RAPGEF6: variants seen among roughly 807,000 people sequenced by gnomAD.
The protein encoded by RAPGEF6 is PDZ domain containing guanine nucleotide exchange factor (GEF) 2.
A neutral mutation model predicts 171.4 loss-of-function variants in RAPGEF6; 56 were observed. The observed-to-expected ratio is 0.33, with a 90% CI of 0.26 to 0.41. The LOEUF is 0.41. RAPGEF6 is among the 10% of genes least tolerant of loss of function. The pLI is 1.00. For missense variants in RAPGEF6, 1,674 were observed against 1,921.4 expected, an observed-to-expected ratio of 0.87 and a Z score of 2.41; for synonymous variants, 692 against 650.1, an observed-to-expected ratio of 1.06 and a Z score of -0.98.
At chr5:131,613,931 C>T (rs540140679) in intron 1 of RAPGEF6, among the ~76,000 whole-genome samples, 6 of 152,088 alleles carry the variant, frequency 3.9e-5, no homozygotes, top group Admixed American at 2.6e-4. Flanking sequence ...GCATAGAATC[C>T]GCTTGGGCAG....
Position 131,438,348 on chromosome 5 carries a change from C to G in RAPGEF6, c.3745+1233G>C, listed in dbSNP as rs566630347. ...GGAGGACAGAATCACGGTTCAAACT[C>G]AGGTCTGACATCACTGTACATAATT... On this transcript the variant is annotated intron_variant, in intron 24 of 27. Transcript: ENST00000509018. Among the ~76,000 whole-genome samples, 76 of 152,316 alleles carry G rather than the reference C, an allele frequency of 5.0e-4. No individual in the cohort carries two copies. In the South Asian group the frequency reaches 8.3e-3, roughly 17 times the overall value.
At position 131,453,040 on chromosome 5, in the gene RAPGEF6, T is replaced by C. The variant is rs757152327; in HGVS notation, c.3200+14A>G. Reference sequence around the variant, plus strand: ...GATACCACTCTAACACTTTTACATATTTCAATGTCCTACCTCTGTCGAAAC... The same window carrying C: ...GATACCACTCTAACACTTTTACATACTTCAATGTCCTACCTCTGTCGAAAC... On this transcript the variant is annotated intron_variant, in intron 21 of 27. Coordinates refer to ENST00000509018, the MANE Select transcript of RAPGEF6 (RefSeq NM_016340.6). The C allele has an allele frequency of 1.9e-6, 3 of 1,606,096 alleles. No homozygotes were observed. The African/African-American group carries it at 4.0e-5, about 22-fold the overall frequency.
At chr5:131,439,143 C>T (rs1248319201) in intron 24 of RAPGEF6, among the ~76,000 whole-genome samples, 1 of 152,104 alleles carries the variant, frequency 6.6e-6, no homozygotes, top group Non-Finnish European at 1.5e-5. Context: ...TCTCCAACTC[C>T]TGGGCTCAAG....
rs1754159292 is a variant in RAPGEF6, at chr5:131,464,262, T to C, written c.2259A>G (p.Ile753Met). Reference sequence around the variant, plus strand: ...TTTGCTGATCCACTTTGAAAACTCTTATAACTTGATCAGGGATATCTACAT... The same window carrying C: ...TTTGCTGATCCACTTTGAAAACTCTCATAACTTGATCAGGGATATCTACAT... ...SNPSDIPDQVIRVFKVDQQSC... is the reference protein window; with the variant it reads ...SNPSDIPDQVMRVFKVDQQSC... The change falls in exon 18 of 28, where the codon ATA becomes ATG. Residue 753 changes from isoleucine (I) to methionine (M), a missense_variant. Around this residue, in one of 3 missense-constraint regions of RAPGEF6, gnomAD observed 1,116 missense variants for 1,321.5 expected, o/e 0.84. Transcript: ENST00000509018. The C allele has an allele frequency of 6.2e-7, 1 of 1,611,602 alleles. No homozygotes were observed. The highest frequency in any genetic ancestry group is 8.5e-7 in the Non-Finnish European group (1 of 1,178,020).
chr5:131,438,914 G>A (rs1173046609), intron 24 of RAPGEF6, among the ~76,000 whole-genome samples: 1 of 152,070 alleles, frequency 6.6e-6, no homozygotes, highest in East Asian at 1.9e-4. Context: ...CTTATAGTTG[G>A]TTAAAAACAG....
At chr5:131,559,082 G>T (rs942490777) in intron 5 of RAPGEF6, among the ~76,000 whole-genome samples, 1 of 151,910 alleles carries the variant, frequency 6.6e-6, no homozygotes, top group African/African-American at 2.4e-5. Context: ...TAATCCCAGC[G>T]CTTTGGGAGG....
chr5:131,471,068 C>T (rs570335153), intron 17 of RAPGEF6, among the ~76,000 whole-genome samples: 4 of 152,286 alleles, frequency 2.6e-5, no homozygotes, highest in South Asian at 4.1e-4. Context: ...TTACCCTTTC[C>T]GGTAAATAGT....
chr5:131,526,486 GTTAC>G (rs1197375716), intron 6 of RAPGEF6, among the ~76,000 whole-genome samples: 1 of 152,090 alleles, frequency 6.6e-6, no homozygotes. Flanking sequence ...GACTAAATCC[GTTAC>G]TCTTTCCTAC....
chr5:131,600,161 T>C lies in RAPGEF6; in HGVS notation c.197+3110A>G, dbSNP rs142745361. On this transcript the variant is annotated intron_variant, in intron 3 of 27. Coordinates refer to ENST00000509018, the MANE Select transcript of RAPGEF6 (RefSeq NM_016340.6). ...AATCCGATTAATGTCAGAAAGATAT[T>C]AGATTTGCTAAACTATAATTAAATC... 3.8e-3 allele frequency among the ~76,000 whole-genome samples: 572 copies of C among 152,358 alleles called. 4 individuals are homozygous for C. The highest frequency in any genetic ancestry group is 0.013 in the African/African-American group (542 of 41,588).
chr5:131,542,302 T>A (rs143619631), intron 6 of RAPGEF6, among the ~76,000 whole-genome samples: 2 of 152,286 alleles, frequency 1.3e-5, no homozygotes, highest in East Asian at 3.9e-4. Context: ...ACAACAGCAA[T>A]AGGATGCTAC....
intron 25 of RAPGEF6, among the ~76,000 whole-genome samples, chr5:131,431,903 C>A (rs1751733516): frequency 6.6e-6 from 1 of 152,148 alleles, no homozygotes; most frequent in African/African-American, 2.4e-5. Context: ...TCCATGCATA[C>A]AGAATTAAGA....
At chr5:131,582,147 G>A (rs964273148) in intron 4 of RAPGEF6, among the ~76,000 whole-genome samples, 2 of 152,184 alleles carry the variant, frequency 1.3e-5, no homozygotes, top group African/African-American at 4.8e-5. Flanking sequence ...CACTAAGCCT[G>A]CTCAGATGGT....
chr5:131,461,576 TAAC>T, intron 19 of RAPGEF6, 126 bp downstream of exon 19: 2 of 902,044 alleles, frequency 2.2e-6, no homozygotes, highest in East Asian at 5.7e-5. Flanking sequence ...ACATTAAATC[TAAC>T]AACACTTCAA....
chr5:131,487,673 A>G (rs1475121127), intron 15 of RAPGEF6, among the ~76,000 whole-genome samples: 1 of 152,208 alleles, frequency 6.6e-6, no homozygotes, highest in African/African-American at 2.4e-5. Context: ...ATCTCTAGCT[A>G]GACAGAAATG....
chr5:131,477,934 C>T (rs746073830), intron 16 of RAPGEF6, among the ~76,000 whole-genome samples: 22 of 152,210 alleles, frequency 1.4e-4, no homozygotes, highest in Admixed American at 3.9e-4. Context: ...TCATCCCCAA[C>T]CATCCCTGAC....
Position 131,505,513 on chromosome 5 carries a change from A to G in RAPGEF6, c.952T>C (p.Trp318Arg), listed in dbSNP as rs556309147. Residue 318 changes from tryptophan to arginine, a missense_variant, in exon 10 of 28, where the codon TGG becomes CGG. Physicochemically the swap from Trp to Arg is moderately radical, Grantham distance 101. Around this residue, in one of 3 missense-constraint regions of RAPGEF6, gnomAD observed 1,116 missense variants for 1,321.5 expected, o/e 0.84. Coordinates refer to ENST00000509018, the MANE Select transcript of RAPGEF6 (RefSeq NM_016340.6). Reference protein sequence around the residue: ...ILEDGQELDSWYVILNGTVEI... With the variant: ...ILEDGQELDSRYVILNGTVEI... ...ACAGTGCCGTTTAAAATAACATACC[A>G]TGAGTCAAGCTATAGAGAAAAACAA... 1 of 1,612,948 alleles carries G rather than the reference A, an allele frequency of 6.2e-7. No homozygotes were observed. The highest frequency in any genetic ancestry group is 1.3e-5 in the African/African-American group (1 of 75,010).
intron 15 of RAPGEF6, among the ~76,000 whole-genome samples, chr5:131,484,938 T>G (rs564544265): frequency 1.9e-3 from 284 of 152,318 alleles, no homozygotes; most frequent in Middle Eastern, 3.4e-3. Context: ...ATGGGATTTT[T>G]GGGTTTAGAG....
At chr5:131,476,580 C>T (rs1755110441) in intron 16 of RAPGEF6, among the ~76,000 whole-genome samples, 1 of 152,198 alleles carries the variant, frequency 6.6e-6, no homozygotes, top group Non-Finnish European at 1.5e-5. Context: ...CCTGCCTCAG[C>T]CTCCCGAGTA....
At chr5:131,444,207 T>G (rs1752551413) in intron 22 of RAPGEF6, among the ~76,000 whole-genome samples, 1 of 152,158 alleles carries the variant, frequency 6.6e-6, no homozygotes, top group South Asian at 2.1e-4. Flanking sequence ...TAGACAATAT[T>G]TGGGGTGATA....
Sources: allele counts gnomAD v4.1 joint callset (sites outside exome capture counted in the v4.1 genomes callset), GRCh38; gene constraint gnomAD v4.1.1; regional missense constraint gnomAD v4.1.1; transcripts MANE v1.5; gene names NCBI Gene and HGNC (gene_info 2026-07-23, HGNC 2026-07-21).